Variants in ARHGAP22 observed in about 807,000 individuals in gnomAD.
ARHGAP22 encodes rho GTPase-activating protein 22.
A neutral mutation model predicts 59.1 loss-of-function variants in ARHGAP22; 48 were observed. That is an observed-to-expected ratio of 0.81 (90% confidence interval 0.64 to 1.03). ARHGAP22 has a LOEUF of 1.03. Ranked by LOEUF, ARHGAP22 falls within the 50% of genes least tolerant of loss-of-function variation. The pLI is 0.00. For missense variants in ARHGAP22, 1,015 were observed against 958.7 expected (o/e 1.06, Z -0.78); for synonymous variants, 445 against 416.4 (o/e 1.07, Z -0.84).
intron 3 of ARHGAP22, among the ~76,000 whole-genome samples, chr10:48,509,975 G>C (rs2278676): frequency 0.76 from 115,141 of 152,170 alleles, 46,633 homozygotes; most frequent in Non-Finnish European, 0.9. Context: ...ACAGCCGAGA[G>C]AAGAGAAAAG....
chr10:48,459,361 T>TC (rs36011907), intron 5 of ARHGAP22, among the ~76,000 whole-genome samples: 137,968 of 152,222 alleles, frequency 0.91, 63,917 homozygotes, highest in East Asian at 1. Context: ...AGGCCTGGGG[T>TC]CCGGATGCAG....
At chr10:48,525,821 G>A (rs1015126967) in intron 3 of ARHGAP22, among the ~76,000 whole-genome samples, 4 of 152,208 alleles carry the variant, frequency 2.6e-5, no homozygotes, top group Non-Finnish European at 5.9e-5. Flanking sequence ...TTCCCTTTGG[G>A]GAGATGGTGG....
chr10:48,527,091 T>G lies in ARHGAP22; in HGVS notation c.322+28372A>C, dbSNP rs569136938. On this transcript the variant is annotated intron_variant, in intron 3 of 9. Coordinates refer to ENST00000249601, the MANE Select transcript of ARHGAP22 (RefSeq NM_021226.4). ...GAAGCAGATGCCATGAGATTCAATTTACAAAGGAAGAAACTAATGTTCAGA... is the reference window on the plus strand; with the variant it reads ...GAAGCAGATGCCATGAGATTCAATTGACAAAGGAAGAAACTAATGTTCAGA... Among the ~76,000 whole-genome samples, 45 of 152,316 alleles carry G rather than the reference T, an allele frequency of 3.0e-4. 1 individual carries two copies. The highest frequency in any genetic ancestry group is 8.8e-5 in the Non-Finnish European group (6 of 68,040).
At chr10:48,535,448 G>A (rs1590012038) in intron 3 of ARHGAP22, among the ~76,000 whole-genome samples, 1 of 152,222 alleles carries the variant, frequency 6.6e-6, no homozygotes, top group East Asian at 1.9e-4. Context: ...AGAGGGGGCA[G>A]GGAGTTTCTC....
intron 3 of ARHGAP22, among the ~76,000 whole-genome samples, chr10:48,482,461 T>G (rs1209080379): frequency 2.0e-5 from 3 of 152,210 alleles, no homozygotes; most frequent in Non-Finnish European, 2.9e-5. Flanking sequence ...CTTCTTCTAA[T>G]GACACTGACC....
At chr10:48,506,119 G>A (rs1456621257) in intron 3 of ARHGAP22, among the ~76,000 whole-genome samples, 1 of 152,194 alleles carries the variant, frequency 6.6e-6, no homozygotes, top group Non-Finnish European at 1.5e-5. Context: ...GGACCTCAGG[G>A]CCTCAGCAAA....
At chr10:48,439,824 C>A in the ARHGAP22 span, among the ~76,000 whole-genome samples, 1 of 152,208 alleles carries the variant, frequency 6.6e-6, no homozygotes, top group South Asian at 2.1e-4. Context: ...TGTAATGACG[C>A]CACTCCGTCT....
chr10:48,505,476 C>T (rs2052011099), intron 3 of ARHGAP22, among the ~76,000 whole-genome samples: 1 of 152,150 alleles, frequency 6.6e-6, no homozygotes, highest in Admixed American at 6.5e-5. Flanking sequence ...ATGCAGGAGT[C>T]CCGTGCGCCT....
chr10:48,646,063 C>A (rs574567662), intron 1 of ARHGAP22, among the ~76,000 whole-genome samples: 1 of 152,196 alleles, frequency 6.6e-6, no homozygotes, highest in East Asian at 1.9e-4. Flanking sequence ...GCAACAAAAA[C>A]TCCATAAATG....
In ARHGAP22 at chr10:48,450,979, C is replaced by T. The variant is rs956332153; in HGVS notation, c.1150G>A (p.Gly384Ser). ...CTGTGCGCGGGCAGGCCGGGGCCGCCGGGCTCTCCTTGGCTGTCCCTGGTG... is the reference window on the plus strand; with the variant it reads ...CTGTGCGCGGGCAGGCCGGGGCCGCTGGGCTCTCCTTGGCTGTCCCTGGTG... The part of the protein sequence containing the change: ...EVTRDSQGEP[G>S]GPGLPAHRTS... The change falls in exon 9 of 10, where the codon GGC becomes AGC. Residue 384 changes from glycine (G) to serine (S), a missense_variant. Physicochemically the swap from Gly to Ser is moderately conservative, Grantham distance 56. Transcript: ENST00000249601. 9.6e-6 allele frequency: 15 copies of T among 1,564,174 alleles called. No homozygotes were observed. The highest frequency in any genetic ancestry group is 1.3e-5 in the Non-Finnish European group (15 of 1,155,028).
At chr10:48,513,921 T>C (rs922027568) in intron 3 of ARHGAP22, among the ~76,000 whole-genome samples, 3 of 152,084 alleles carry the variant, frequency 2.0e-5, no homozygotes, top group Non-Finnish European at 2.9e-5. Flanking sequence ...GACAATGATG[T>C]CCCACCAATT....
intron 2 of ARHGAP22, among the ~76,000 whole-genome samples, chr10:48,581,214 G>A (rs1027099908): frequency 2.2e-4 from 34 of 152,278 alleles, no homozygotes; most frequent in Admixed American, 6.5e-4. Context: ...TCATCCCTCA[G>A]AACTAAATAA....
upstream of ARHGAP22, among the ~76,000 whole-genome samples, chr10:48,655,256 TG>T (rs1230624457): frequency 0.11 from 1,088 of 9,568 alleles, 4 homozygotes; most frequent in Middle Eastern, 0.14. Flanking sequence ...TGTGTGTGTG[TG>T]GGGGGGGGGG....
rs532594250 is a variant in ARHGAP22 at position 48,638,346 on chromosome 10, C to A, written c.52+13888G>T. 1.6e-3 allele frequency among the ~76,000 whole-genome samples: 247 copies of A among 152,278 alleles called. 1 individual carries two copies. The highest frequency in any genetic ancestry group is 3.4e-3 in the Middle Eastern group (1 of 294). The stretch of plus-strand genomic sequence containing the variant: ...GCAGCTGGGCCTGCCATTGTTCCAC[C>A]TTCCCATGAAGCCTTGGGCAGCTTC... On this transcript the variant is annotated intron_variant, in intron 1 of 9. Coordinates refer to the ARHGAP22 transcript ENST00000435790.
At chr10:48,431,125 A>T in the ARHGAP22 span, 1 of 957,824 alleles carries the variant, frequency 1.0e-6, no homozygotes, top group Non-Finnish European at 1.7e-6. Context: ...TTCCACTTAA[A>T]CCATACATGC....
intron 4 of ARHGAP22, among the ~76,000 whole-genome samples, chr10:48,460,511 A>G (rs1479437410): frequency 1.3e-5 from 2 of 152,210 alleles, no homozygotes; most frequent in Non-Finnish European, 2.9e-5. Flanking sequence ...AGAAACTGGA[A>G]CCCTTCCTTG....
Position 48,555,453 on chromosome 10 carries a change from T to G in ARHGAP22, c.322+10A>C, listed in dbSNP as rs2057236945. The G allele has an allele frequency of 6.2e-7, 1 of 1,613,422 alleles. No homozygotes were observed. The highest frequency in any genetic ancestry group is 1.1e-5 in the South Asian group (1 of 91,058). On this transcript the variant is annotated intron_variant, in intron 3 of 9. Transcript: ENST00000249601. ...CCAGGGCTGCAGAGCTGGAAGGTGCTCAGGCCTACCTGGGCTGATCTCAAA... is the reference window on the plus strand; with the variant it reads ...CCAGGGCTGCAGAGCTGGAAGGTGCGCAGGCCTACCTGGGCTGATCTCAAA...
chr10:48,460,281 T>C (rs1004775854), intron 4 of ARHGAP22, among the ~76,000 whole-genome samples: 2 of 152,174 alleles, frequency 1.3e-5, no homozygotes, highest in Non-Finnish European at 2.9e-5. Context: ...TCTCCTGTGT[T>C]CTATTCTTAC....
intron 4 of ARHGAP22, among the ~76,000 whole-genome samples, chr10:48,462,849 G>A (rs1262808453): frequency 6.6e-6 from 1 of 152,208 alleles, no homozygotes; most frequent in Non-Finnish European, 1.5e-5. Context: ...CCAGTCCGAG[G>A]AGGCTCCAGG....
Sources: allele counts gnomAD v4.1 joint callset (sites outside exome capture counted in the v4.1 genomes callset), GRCh38; gene constraint gnomAD v4.1.1; transcripts MANE v1.5; gene names NCBI Gene and HGNC (gene_info 2026-07-23, HGNC 2026-07-21).